The following LRRC8C variants were observed in gnomAD, a reference collection of about 807,000 sequenced individuals.
LRRC8C encodes leucine rich repeat containing 8 VRAC subunit C.
A neutral mutation model predicts 55.3 loss-of-function variants in LRRC8C; 20 were observed. The ratio of observed to expected loss-of-function variants is 0.36; its 90% CI spans 0.25 to 0.53. The LOEUF (loss-of-function observed/expected upper bound fraction) is 0.53. Among genes scored for constraint, LRRC8C ranks in the 20% least tolerant of loss-of-function variants. The pLI is 0.92. For missense variants in LRRC8C, 659 were observed against 951.4 expected (o/e 0.69, Z 4.04); for synonymous variants, 376 against 360.7 (o/e 1.04, Z -0.48).
chr1:89,686,340 A>T (rs932381965), intron 1 of LRRC8C, 130 bp from the exon 2 acceptor site: 2 of 871,246 alleles, frequency 2.3e-6, no homozygotes, highest in Non-Finnish European at 3.5e-6. Flanking sequence ...TCATCAAAAC[A>T]TTGATGTGTC....
the LRRC8C span, among the ~76,000 whole-genome samples, chr1:89,617,893 T>C: frequency 3.0e-3 from 459 of 152,242 alleles, 2 homozygotes; most frequent in Non-Finnish European, 5.0e-3. Context: ...AAGACATACA[T>C]AGGGCAAGGT....
rs1658897919 is a variant in LRRC8C at position 89,718,930 on chromosome 1, T to C, written c.*3948T>C. The C allele has an allele frequency of 6.6e-6, 1 of 152,162 alleles. No individual in the cohort carries two copies. Among genetic ancestry groups the C allele is most frequent in the South Asian group, 2.1e-4 (1 of 4,830 alleles). 9.4% of individuals were successfully genotyped at this position (152,162 alleles called of 1,614,324 possible). On this transcript the variant is annotated 3_prime_UTR_variant, in exon 3 of 3. Transcript: ENST00000370454. ...ATCTTTTCTTTCTACTTAGAAACAT[T>C]GCAAGAAACCTTGGACAGTCTTCAC...
the LRRC8C span, among the ~76,000 whole-genome samples, chr1:89,617,966 G>A: frequency 6.6e-6 from 1 of 152,102 alleles, no homozygotes; most frequent in Non-Finnish European, 1.5e-5. Context: ...CACTCTCTTG[G>A]TATAACTATA....
intron 2 of LRRC8C, chr1:89,706,180 A>G (rs765315129): frequency 7.7e-5 from 31 of 401,126 alleles, no homozygotes; most frequent in Non-Finnish European, 1.5e-4. Context: ...CAACTGACAT[A>G]TAGTAGATAC....
the LRRC8C span, among the ~76,000 whole-genome samples, chr1:89,627,727 T>C: frequency 9.2e-5 from 14 of 152,326 alleles, no homozygotes; most frequent in African/African-American, 3.4e-4. Context: ...TTATGTGACC[T>C]TCAGCTAGCT....
At chr1:89,666,641 T>C (rs185801735) in intron 1 of LRRC8C, among the ~76,000 whole-genome samples, 1 of 152,304 alleles carries the variant, frequency 6.6e-6, no homozygotes, top group Non-Finnish European at 1.5e-5. Flanking sequence ...AAAAGAAATC[T>C]GGTGTTCTCT....
intron 1 of LRRC8C, among the ~76,000 whole-genome samples, chr1:89,646,018 T>C (rs1656605233): frequency 6.8e-6 from 1 of 146,810 alleles, no homozygotes; most frequent in African/African-American, 2.6e-5. Context: ...TTCTATATTA[T>C]GAAACTTTTA....
intron 1 of LRRC8C, among the ~76,000 whole-genome samples, chr1:89,652,405 C>CA (rs901963460): frequency 6.6e-6 from 1 of 152,110 alleles, no homozygotes. Flanking sequence ...ACCTGCTGCA[C>CA]AAAGATTTTG....
At chr1:89,655,232 A>G (rs1656908222) in intron 1 of LRRC8C, among the ~76,000 whole-genome samples, 1 of 151,376 alleles carries the variant, frequency 6.6e-6, no homozygotes, top group Non-Finnish European at 1.5e-5. Flanking sequence ...TGATTTTTTC[A>G]TTATCTTATT....
At chr1:89,680,549 C>CTTTTTTTTTTTTTTTTTTTTTCTT (rs1657677962) in intron 1 of LRRC8C, among the ~76,000 whole-genome samples, 1 of 91,870 alleles carries the variant, frequency 1.1e-5, no homozygotes. Context: ...TGCTTTCATG[C>CTTTTTTTTTTTTTTTTTTTTTCTT]TTTTTTTTTT....
rs1658711409 is a variant in LRRC8C at position 89,713,360 on chromosome 1, C to T, written c.790C>T (p.Arg264Cys). 4.3e-6 allele frequency: 7 copies of T among 1,614,078 alleles called. No homozygotes were observed. Among genetic ancestry groups the T allele is most frequent in the Admixed American group, 1.7e-5 (1 of 60,004 alleles). ...EGDILYAMYV[R>C]QTVLKVIKFL... ...TGATATTCTATATGCCATGTATGTT[C>T]GCCAGACTGTACTTAAAGTTATCAA... The change falls in exon 3 of 3, where the codon CGC (arginine) becomes TGC (cysteine). Residue 264 changes from arginine to cysteine, a missense_variant. Physicochemically the swap from Arg to Cys is radical, Grantham distance 180. Coordinates refer to ENST00000370454, the MANE Select transcript of LRRC8C (RefSeq NM_032270.5). The surrounding 1 kb of genome is among the most constrained non-coding windows in gnomAD (Gnocchi z 5.2).
chr1:89,680,116 CA>C (rs202100747), intron 1 of LRRC8C, among the ~76,000 whole-genome samples: 1,537 of 151,444 alleles, frequency 0.01, 41 homozygotes, highest in African/African-American at 0.036. Flanking sequence ...CTCTGTCACC[CA>C]GGCTGGATGG....
chr1:89,657,459 A>G (rs988910404), intron 1 of LRRC8C, among the ~76,000 whole-genome samples: 2 of 152,124 alleles, frequency 1.3e-5, no homozygotes, highest in African/African-American at 4.8e-5. Flanking sequence ...GATGCTTAGT[A>G]TGGCTGAGCA....
intron 1 of LRRC8C, among the ~76,000 whole-genome samples, chr1:89,644,792 G>A (rs1273664741): frequency 6.6e-6 from 1 of 152,180 alleles, no homozygotes; most frequent in African/African-American, 2.4e-5. Flanking sequence ...GAGGAGTTAG[G>A]CTCCATGTAA....
At chr1:89,619,926 T>C in the LRRC8C span, among the ~76,000 whole-genome samples, 1 of 152,214 alleles carries the variant, frequency 6.6e-6, no homozygotes, top group South Asian at 2.1e-4. Context: ...GCAGCTTATT[T>C]AGGTTCTCAT....
At chr1:89,662,202 A>G (rs898740088) in intron 1 of LRRC8C, among the ~76,000 whole-genome samples, 2 of 152,212 alleles carry the variant, frequency 1.3e-5, no homozygotes, top group Non-Finnish European at 2.9e-5. Flanking sequence ...GAAAGCTTGC[A>G]AATTTCTGTT....
chr1:89,617,823 G>A, the LRRC8C span, among the ~76,000 whole-genome samples: 1 of 152,062 alleles, frequency 6.6e-6, no homozygotes, highest in African/African-American at 2.4e-5. Flanking sequence ...CAGAACTCAA[G>A]AAAGCACAGA....
chr1:89,684,630 T>C (rs936495964), intron 1 of LRRC8C, among the ~76,000 whole-genome samples: 4 of 152,142 alleles, frequency 2.6e-5, no homozygotes, highest in African/African-American at 9.7e-5. Flanking sequence ...AGTGGGACTG[T>C]AATAATTTAC....
intron 1 of LRRC8C, among the ~76,000 whole-genome samples, chr1:89,634,943 C>T (rs929808100): frequency 6.6e-6 from 1 of 152,150 alleles, no homozygotes; most frequent in African/African-American, 2.4e-5. Flanking sequence ...AGATTGGGCA[C>T]AGACAGGACC....
Sources: gnomAD v4.1 joint callset for allele counts (sites outside exome capture counted in the v4.1 genomes callset) on GRCh38, gnomAD v4.1.1 for gene constraint, Gnocchi (gnomAD v3.1) non-coding constraint, MANE v1.5 for transcripts, NCBI Gene and HGNC (gene_info 2026-07-23, HGNC 2026-07-21) for gene names.